Variants in ZNF407 observed in about 807,000 individuals in gnomAD.
ZNF407 encodes zinc finger protein 407.
ZNF407 carries 17 observed loss-of-function variants against 131.2 expected under a neutral mutation model. The observed-to-expected ratio is 0.13, with a 90% CI of 0.09 to 0.19. The LOEUF (loss-of-function observed/expected upper bound fraction) is 0.19. Among genes scored for constraint, ZNF407 ranks in the 10% least tolerant of loss-of-function variants. The probability of loss-of-function intolerance (pLI) is 1.00; values close to 1 mark genes in which losing one functional copy is unlikely to be tolerated. For synonymous variants in ZNF407, 1,156 were observed against 1,062.0 expected (o/e 1.09, Z -1.72); for missense variants, 2,681 against 2,830.6 (o/e 0.95, Z 1.20).
At chr18:74,760,980 A>T (rs1969082158) in intron 3 of ZNF407, among the ~76,000 whole-genome samples, 1 of 152,088 alleles carries the variant, frequency 6.6e-6, no homozygotes, top group Non-Finnish European at 1.5e-5. Flanking sequence ...GGAGGAGCAG[A>T]TTTTTGGAGG....
intron 8 of ZNF407, 163 bp downstream of exon 8, chr18:74,920,855 C>T: frequency 1.6e-6 from 2 of 1,275,214 alleles, no homozygotes; most frequent in Non-Finnish European, 2.0e-6. Flanking sequence ...TTTGATCCCA[C>T]TCAACTATGA....
At chr18:74,773,117 A>C (rs1299266743) in intron 3 of ZNF407, among the ~76,000 whole-genome samples, 1 of 152,210 alleles carries the variant, frequency 6.6e-6, no homozygotes, top group African/African-American at 2.4e-5. Context: ...GTCATCCACA[A>C]GGAGGTTATG....
chr18:74,762,549 C>T (rs141487116), intron 3 of ZNF407, among the ~76,000 whole-genome samples: 1 of 152,072 alleles, frequency 6.6e-6, no homozygotes, highest in Admixed American at 6.5e-5. Context: ...CATTACTGCC[C>T]CAAATTCCCA....
rs192799530 is a variant in ZNF407, at chr18:74,803,305, C to T, written c.4877+21803C>T. Among the ~76,000 whole-genome samples the T allele has an allele frequency of 4.4e-3, 668 of 152,272 alleles. 1 individual carries two copies. The highest frequency in any genetic ancestry group is 8.0e-3 in the Non-Finnish European group (546 of 68,024). ...TGTGGGTTTGTTCTTCCTGGCACTT[C>T]GTCCCTAATGGGGATACCCCGTTGG... is the stretch of plus-strand genomic sequence containing the variant. On this transcript the variant is annotated intron_variant, in intron 4 of 8. Coordinates refer to ENST00000299687, the MANE Select transcript of ZNF407 (RefSeq NM_017757.3).
intron 4 of ZNF407, among the ~76,000 whole-genome samples, chr18:74,871,682 G>GTC (rs958156673): frequency 6.6e-6 from 1 of 151,884 alleles, no homozygotes; most frequent in Non-Finnish European, 1.5e-5. Context: ...CACTGGTGTG[G>GTC]TTTTTGTAGA....
chr18:74,849,399 C>T (rs1207091454), intron 4 of ZNF407, among the ~76,000 whole-genome samples: 1 of 152,152 alleles, frequency 6.6e-6, no homozygotes. Flanking sequence ...TTTCTAAGCA[C>T]AGCTTTTTCA....
intron 3 of ZNF407, among the ~76,000 whole-genome samples, chr18:74,728,780 A>AT (rs1365706263): frequency 6.6e-6 from 1 of 152,178 alleles, no homozygotes. Flanking sequence ...AGGAGAAGCC[A>AT]TGGGCAGTGC....
At chr18:74,971,616 T>C (rs1320441872) in intron 8 of ZNF407, among the ~76,000 whole-genome samples, 1 of 152,236 alleles carries the variant, frequency 6.6e-6, no homozygotes, top group Non-Finnish European at 1.5e-5. Context: ...CCAGCTCAGC[T>C]TGGACCTTAT....
intron 7 of ZNF407, among the ~76,000 whole-genome samples, chr18:74,915,477 AGT>A (rs35034618): frequency 0.95 from 82,606 of 87,206 alleles, 39,255 homozygotes; most frequent in Non-Finnish European, 0.98. Flanking sequence ...TCGAATCGGG[AGT>A]GTGTGTGTGT....
intron 4 of ZNF407, chr18:74,804,225 T>TACA: frequency 7.9e-7 from 1 of 1,259,144 alleles, no homozygotes; most frequent in Non-Finnish European, 1.0e-6. Flanking sequence ...TGTAGGCTAG[T>TACA]CTAGTGATTT....
At chr18:74,983,036 CATG>C (rs1332909300) in intron 8 of ZNF407, among the ~76,000 whole-genome samples, 1 of 152,156 alleles carries the variant, frequency 6.6e-6, no homozygotes, top group Non-Finnish European at 1.5e-5. Flanking sequence ...AAACCAAGAA[CATG>C]ATGTTTTTCA....
At chr18:74,845,461 A>T (rs1485727163) in intron 4 of ZNF407, among the ~76,000 whole-genome samples, 1 of 152,234 alleles carries the variant, frequency 6.6e-6, no homozygotes, top group Non-Finnish European at 1.5e-5. Context: ...AGTAAGGATT[A>T]TTGATATCGC....
intron 8 of ZNF407, among the ~76,000 whole-genome samples, chr18:75,050,386 T>A (rs2122262631): frequency 6.6e-6 from 1 of 152,366 alleles, no homozygotes; most frequent in East Asian, 1.9e-4. Context: ...TCTAAAATTT[T>A]ATCCAGCTTG....
At chr18:74,651,817 A>G (rs562286320) in intron 3 of ZNF407, among the ~76,000 whole-genome samples, 2 of 152,310 alleles carry the variant, frequency 1.3e-5, no homozygotes, top group South Asian at 2.1e-4. Context: ...ATGACAGTTC[A>G]TGATTTAATT....
intron 1 of ZNF407, among the ~76,000 whole-genome samples, chr18:74,614,333 A>G (rs982076603): frequency 1.3e-5 from 2 of 152,182 alleles, no homozygotes; most frequent in East Asian, 1.9e-4. Flanking sequence ...GGATTTCAAG[A>G]TGGTAGGTCA....
At chr18:74,616,034 T>C (rs1272350699) in intron 1 of ZNF407, among the ~76,000 whole-genome samples, 5 of 152,174 alleles carry the variant, frequency 3.3e-5, no homozygotes, top group Admixed American at 3.3e-4. Flanking sequence ...CAGCCCCTAT[T>C]ATAGTTTTAA....
chr18:74,888,610 A>G (rs1473319034), intron 6 of ZNF407, among the ~76,000 whole-genome samples: 1 of 152,194 alleles, frequency 6.6e-6, no homozygotes, highest in Non-Finnish European at 1.5e-5. Flanking sequence ...AGCTGTTCCA[A>G]CCATATTTAA....
chr18:74,973,643 A>G (rs998255828), intron 8 of ZNF407, among the ~76,000 whole-genome samples: 1 of 152,216 alleles, frequency 6.6e-6, no homozygotes, highest in African/African-American at 2.4e-5. Context: ...ACAGGCCGCC[A>G]TAACAAAATG....
At chr18:74,793,293 A>T (rs529177000) in intron 4 of ZNF407, among the ~76,000 whole-genome samples, 2 of 152,350 alleles carry the variant, frequency 1.3e-5, no homozygotes, top group East Asian at 3.9e-4. Flanking sequence ...CAAGTTTGGC[A>T]TAAATCAATG....
Sources: allele counts gnomAD v4.1 joint callset (sites outside exome capture counted in the v4.1 genomes callset), GRCh38; gene constraint gnomAD v4.1.1; transcripts MANE v1.5; gene names NCBI Gene and HGNC (gene_info 2026-07-23, HGNC 2026-07-21).